Variants in RAPGEF4 observed in about 807,000 individuals in gnomAD.
RAPGEF4 encodes the protein RAP guanine-nucleotide-exchange factor (GEF) 4.
A neutral mutation model predicts 147.9 loss-of-function variants in RAPGEF4; 66 were observed. The observed-to-expected ratio is 0.45, with a 90% CI of 0.37 to 0.55. The LOEUF is 0.55. Among genes scored for constraint, RAPGEF4 ranks in the 20% least tolerant of loss-of-function variants. The pLI, the probability that RAPGEF4 is intolerant of heterozygous loss-of-function variation, is 0.00. For missense variants in RAPGEF4, 1,071 were observed against 1,257.3 expected (o/e 0.85, Z 2.24); for synonymous variants, 419 against 442.7 (o/e 0.95, Z 0.67).
At chr2:172,936,150 C>G (rs947314519) in intron 6 of RAPGEF4, among the ~76,000 whole-genome samples, 1 of 152,140 alleles carries the variant, frequency 6.6e-6, no homozygotes, top group East Asian at 1.9e-4. Flanking sequence ...GGGTGGGTTG[C>G]CTGAGCTCAG....
At chr2:172,918,925 C>A (rs1346132631) in intron 5 of RAPGEF4, among the ~76,000 whole-genome samples, 1 of 152,112 alleles carries the variant, frequency 6.6e-6, no homozygotes, top group East Asian at 1.9e-4. Context: ...AGATCTCTCT[C>A]CCTGCTTGAC....
intron 4 of RAPGEF4, among the ~76,000 whole-genome samples, chr2:172,895,511 C>T (rs1387837344): frequency 6.6e-6 from 1 of 152,068 alleles, no homozygotes; most frequent in Non-Finnish European, 1.5e-5. Flanking sequence ...TGAACAAGCC[C>T]CCAAAAAGGC....
At position 173,017,325 on chromosome 2, in the gene RAPGEF4, T is replaced by G. The variant is rs182453013; in HGVS notation, c.1930-101T>G. ...TTTGTAGACGTGAAATATATTGTCT[T>G]CATTTCTTGACTCTGCTTGCTTCTC... On this transcript the variant is annotated intron_variant, in intron 20 of 30. Coordinates refer to ENST00000397081, the MANE Select transcript of RAPGEF4 (RefSeq NM_007023.4). The G allele has an allele frequency of 7.5e-4, 1,111 of 1,482,490 alleles. 1 individual carries two copies. Among genetic ancestry groups the G allele is most frequent in the Non-Finnish European group, 8.4e-4 (893 of 1,063,430 alleles). The allele number at this position is 1,482,490 out of a possible 1,614,324, so 91.8% of individuals were successfully genotyped here. A position where few individuals can be genotyped will look rare whatever the true frequency, so the allele number is the denominator to read the frequency against.
chr2:172,786,527 T>C (rs1489002572), intron 1 of RAPGEF4, among the ~76,000 whole-genome samples: 1 of 152,150 alleles, frequency 6.6e-6, no homozygotes, highest in Non-Finnish European at 1.5e-5. Context: ...TAAAATGTCA[T>C]AGATTTCATA....
intron 5 of RAPGEF4, among the ~76,000 whole-genome samples, chr2:172,919,938 T>A (rs1038959363): frequency 6.6e-6 from 1 of 152,098 alleles, no homozygotes; most frequent in Admixed American, 6.6e-5. Context: ...ACAGTCTTCC[T>A]TTCAGTTCCC....
chr2:172,827,330 A>G (rs1052510395), intron 4 of RAPGEF4, among the ~76,000 whole-genome samples: 3 of 151,730 alleles, frequency 2.0e-5, no homozygotes, highest in Admixed American at 1.3e-4. Flanking sequence ...GTTACTCTAT[A>G]TTTCCTTCTC....
At chr2:172,868,732 T>C (rs1229977626) in intron 4 of RAPGEF4, among the ~76,000 whole-genome samples, 1 of 152,224 alleles carries the variant, frequency 6.6e-6, no homozygotes, top group African/African-American at 2.4e-5. Context: ...GGAACGTGTG[T>C]GTTAGTCCAT....
intron 4 of RAPGEF4, among the ~76,000 whole-genome samples, chr2:172,867,183 G>A (rs879514172): frequency 7.2e-5 from 11 of 152,036 alleles, no homozygotes; most frequent in Non-Finnish European, 1.5e-4. Flanking sequence ...ATGTTGGCCA[G>A]GCTGGTCTTG....
intron 4 of RAPGEF4, among the ~76,000 whole-genome samples, chr2:172,831,266 C>CTTTTTTTGTTTTTTTTTTTTTTT (rs1690282979): frequency 1.9e-5 from 1 of 53,876 alleles, no homozygotes; most frequent in Non-Finnish European, 3.6e-5. Context: ...AGATAGAAAA[C>CTTTTTTTGTTTTTTTTTTTTTTT]TTTTTTTTTT....
intron 1 of RAPGEF4, among the ~76,000 whole-genome samples, chr2:172,785,777 G>A (rs888238477): frequency 6.6e-6 from 1 of 152,018 alleles, no homozygotes; most frequent in Non-Finnish European, 1.5e-5. Flanking sequence ...AAGGCACTGG[G>A]CAGAGAGCAG....
intron 1 of RAPGEF4, among the ~76,000 whole-genome samples, chr2:172,783,434 TCA>T (rs1378715851): frequency 2.6e-5 from 4 of 152,100 alleles, no homozygotes; most frequent in Non-Finnish European, 5.9e-5. Flanking sequence ...TGCCAGGAAT[TCA>T]CAGACTCCAC....
At chr2:172,754,777 T>G (rs1695607679) in intron 1 of RAPGEF4, among the ~76,000 whole-genome samples, 1 of 152,210 alleles carries the variant, frequency 6.6e-6, no homozygotes, top group Admixed American at 6.5e-5. Flanking sequence ...GCACGGTGGC[T>G]CATGCCTGTA....
At chr2:172,817,099 T>C (rs1688585385) in intron 4 of RAPGEF4, among the ~76,000 whole-genome samples, 2 of 152,214 alleles carry the variant, frequency 1.3e-5, no homozygotes, top group Admixed American at 6.5e-5. Context: ...GTCTATTCAT[T>C]TATTCATAAT....
At chr2:172,949,556 GAA>G (rs1015335040) in intron 6 of RAPGEF4, among the ~76,000 whole-genome samples, 1 of 152,182 alleles carries the variant, frequency 6.6e-6, no homozygotes, top group African/African-American at 2.4e-5. Context: ...CCAAGGATGA[GAA>G]AAGTCACCTG....
chr2:172,770,218 T>C (rs1487588143), intron 1 of RAPGEF4, among the ~76,000 whole-genome samples: 1 of 152,200 alleles, frequency 6.6e-6, no homozygotes, highest in African/African-American at 2.4e-5. Flanking sequence ...AGTCAGAGAA[T>C]GTTTGAAGTG....
chr2:173,020,746 T>C (rs370562901), intron 23 of RAPGEF4, 31 bp downstream of exon 23: 22 of 1,556,234 alleles, frequency 1.4e-5, no homozygotes, highest in African/African-American at 8.3e-5. Flanking sequence ...CAGAGCAGCA[T>C]TGCAATCAGA....
At chr2:172,775,952 C>T (rs1316558651) in intron 1 of RAPGEF4, among the ~76,000 whole-genome samples, 2 of 152,032 alleles carry the variant, frequency 1.3e-5, no homozygotes, top group African/African-American at 2.4e-5. Flanking sequence ...TAAGTCAGAG[C>T]CATGAAGAGT....
chr2:172,915,559 C>A (rs1683975243), intron 4 of RAPGEF4, among the ~76,000 whole-genome samples: 2 of 151,718 alleles, frequency 1.3e-5, no homozygotes, highest in Admixed American at 6.6e-5. Context: ...ATTAGCCAGG[C>A]ATGGTGGTGT....
intron 10 of RAPGEF4, among the ~76,000 whole-genome samples, chr2:172,968,029 C>T (rs1014213257): frequency 1.3e-5 from 2 of 152,186 alleles, no homozygotes; most frequent in Non-Finnish European, 2.9e-5. Flanking sequence ...GAGCAGGCCA[C>T]CACCTGCAAT....
Sources: gnomAD v4.1 joint callset for allele counts (sites outside exome capture counted in the v4.1 genomes callset) on GRCh38, gnomAD v4.1.1 for gene constraint, MANE v1.5 for transcripts, NCBI Gene and HGNC (gene_info 2026-07-23, HGNC 2026-07-21) for gene names.